The following ZEB1 variants were observed in gnomAD, a reference collection of about 807,000 sequenced individuals.
ZEB1 encodes zinc finger E-box binding homeobox 1.
ZEB1 carries 21 observed loss-of-function variants against 84.9 expected under a neutral mutation model. The ratio of observed to expected loss-of-function variants is 0.25; its 90% confidence interval spans 0.18 to 0.36. The LOEUF (loss-of-function observed/expected upper bound fraction) is 0.36. ZEB1 is among the 10% of genes least tolerant of loss of function. The pLI is 1.00. For synonymous variants in ZEB1, 420 were observed against 471.1 expected (o/e 0.89, Z 1.41); for missense variants, 1,104 against 1,330.2 (o/e 0.83, Z 2.65).
chr10:31,394,051 G>A (rs2050259273), intron 1 of ZEB1, among the ~76,000 whole-genome samples: 1 of 152,164 alleles, frequency 6.6e-6, no homozygotes, highest in South Asian at 2.1e-4. Flanking sequence ...AAAGAGGAGT[G>A]ATGGTGGGAA....
intron 4 of ZEB1, among the ~76,000 whole-genome samples, chr10:31,509,687 C>T (rs2069621957): frequency 6.6e-6 from 1 of 152,056 alleles, no homozygotes; most frequent in Admixed American, 6.5e-5. Flanking sequence ...TCAGAAAGCA[C>T]TTGGAGATTT....
At chr10:31,499,375 C>T (rs1024994994) in intron 3 of ZEB1, among the ~76,000 whole-genome samples, 1 of 152,092 alleles carries the variant, frequency 6.6e-6, no homozygotes, top group Non-Finnish European at 1.5e-5. Context: ...ACTTTTATTA[C>T]ATGAACTGTA....
Position 31,368,140 on chromosome 10 carries a change from C to T in ZEB1, c.58+48848C>T, listed in dbSNP as rs2044914004. ...TATTTGCATGTAAGCTATGCATATC[C>T]TCTCATGTACTTTATTTATTTATTT... On this transcript the variant is annotated intron_variant, in intron 1 of 8. Transcript: ENST00000424869. 2.0e-5 allele frequency among the ~76,000 whole-genome samples: 3 copies of T among 151,552 alleles called. No homozygotes were observed. The South Asian group carries it at 6.3e-4, about 32-fold the overall frequency.
At chr10:31,358,889 T>C (rs1381364597) in intron 1 of ZEB1, among the ~76,000 whole-genome samples, 1 of 152,188 alleles carries the variant, frequency 6.6e-6, no homozygotes, top group Non-Finnish European at 1.5e-5. Context: ...TAGGCCAAAA[T>C]GGTTTATGCT....
rs558179380 is a variant in ZEB1 at position 31,486,574 on chromosome 10, G to GT, written c.260-9192dup. 5.6e-3 allele frequency among the ~76,000 whole-genome samples: 778 copies of GT among 139,744 alleles called. 9 individuals carry two copies. The highest frequency in any genetic ancestry group is 0.018 in the African/African-American group (696 of 38,318). 91.7% of individuals were successfully genotyped at this position (139,744 alleles called of 152,430 possible). ...TTTTCTTTTCTTTTTTTTCTGTAGT[G>GT]TTTTTTTTTTCTTTTTTTAATTATA... On this transcript the variant is annotated intron_variant, in intron 2 of 8. Transcript: ENST00000424869.
chr10:31,321,185 G>A (rs1399897610), intron 1 of ZEB1: 8 of 1,091,190 alleles, frequency 7.3e-6, no homozygotes, highest in Non-Finnish European at 7.8e-6. Flanking sequence ...AACCTTTCCT[G>A]GCAATTTTAG....
intron 2 of ZEB1, among the ~76,000 whole-genome samples, chr10:31,463,409 A>ACC (rs1412620210): frequency 6.6e-6 from 1 of 152,196 alleles, no homozygotes; most frequent in Non-Finnish European, 1.5e-5. Flanking sequence ...GAAAAAAGGA[A>ACC]CCCATAGAAG....
chr10:31,473,499 C>G (rs1331867802), intron 2 of ZEB1, among the ~76,000 whole-genome samples: 2 of 152,028 alleles, frequency 1.3e-5, no homozygotes, highest in African/African-American at 4.8e-5. Flanking sequence ...ATCCAACTTA[C>G]AAGGGACGTG....
intron 1 of ZEB1, among the ~76,000 whole-genome samples, chr10:31,409,123 C>T (rs1298952817): frequency 6.6e-6 from 1 of 152,220 alleles, no homozygotes; most frequent in African/African-American, 2.4e-5. Flanking sequence ...GACATTTATG[C>T]AGCCAACAAA....
intron 6 of ZEB1, among the ~76,000 whole-genome samples, chr10:31,517,047 A>G (rs2071281179): frequency 6.6e-6 from 1 of 152,086 alleles, no homozygotes; most frequent in Admixed American, 6.6e-5. Flanking sequence ...TCCACAGTAG[A>G]TTGGAAACTT....
At chr10:31,437,505 A>T (rs1009464450) in intron 1 of ZEB1, among the ~76,000 whole-genome samples, 2 of 152,340 alleles carry the variant, frequency 1.3e-5, no homozygotes, top group East Asian at 3.9e-4. Context: ...TTAAAATTTC[A>T]TTAATTATCC....
chr10:31,459,033 G>A (rs1314495028), intron 1 of ZEB1, among the ~76,000 whole-genome samples: 1 of 152,078 alleles, frequency 6.6e-6, no homozygotes, highest in African/African-American at 2.4e-5. Context: ...AAATATGCCT[G>A]CAACACTTAT....
At chr10:31,363,237 C>T (rs189465083) in intron 1 of ZEB1, 6 of 1,534,004 alleles carry the variant, frequency 3.9e-6, no homozygotes, top group Non-Finnish European at 5.2e-6. Context: ...TCTCTGGCCA[C>T]AGGGAGCAGC....
chr10:31,475,111 G>A (rs1032667704), intron 2 of ZEB1, among the ~76,000 whole-genome samples: 1 of 151,852 alleles, frequency 6.6e-6, no homozygotes, highest in Non-Finnish European at 1.5e-5. Flanking sequence ...CCTAATGCTA[G>A]ATGACGAGTT....
intron 3 of ZEB1, among the ~76,000 whole-genome samples, 170 bp from the exon 4 acceptor site, chr10:31,502,176 CTT>C (rs2068244663): frequency 6.6e-6 from 1 of 152,096 alleles, no homozygotes; most frequent in Admixed American, 6.6e-5. Context: ...AAAGATATAT[CTT>C]AATACATTAC....
At chr10:31,495,920 A>G (rs1038121813) in intron 3 of ZEB1, 82 bp downstream of exon 3, 4 of 1,438,104 alleles carry the variant, frequency 2.8e-6, no homozygotes, top group Non-Finnish European at 3.9e-6. Flanking sequence ...GTGAGTCCTG[A>G]ATTTAGTCCG....
chr10:31,460,888 G>A, intron 1 of ZEB1, 149 bp from the exon 2 acceptor site: 1 of 698,318 alleles, frequency 1.4e-6, no homozygotes, highest in Non-Finnish European at 2.5e-6. Flanking sequence ...TTACATATGT[G>A]TGTTGTCAAA....
rs1223283585 is a variant in ZEB1 at position 31,348,679 on chromosome 10, A to G, written c.58+29387A>G. The stretch of plus-strand genomic sequence containing the variant: ...TCAAATAGAAAATGAAAGTGTAAGG[A>G]GACAAGTGTGTAACTTTCCAAAAGA... On this transcript the variant is annotated intron_variant, in intron 1 of 8. Transcript: ENST00000424869. Among the ~76,000 whole-genome samples, 3 of 152,226 alleles carry G rather than the reference A, an allele frequency of 2.0e-5. No individual in the cohort carries two copies. In the South Asian group the frequency reaches 6.2e-4, roughly 32 times the overall value.
chr10:31,420,268 G>A (rs1201135800), intron 1 of ZEB1, among the ~76,000 whole-genome samples: 6 of 152,026 alleles, frequency 3.9e-5, no homozygotes, highest in African/African-American at 1.2e-4. Context: ...TTATTGTCTC[G>A]TGCTTCCATG....
Sources: gnomAD v4.1 joint callset for allele counts (sites outside exome capture counted in the v4.1 genomes callset) on GRCh38, gnomAD v4.1.1 for gene constraint, MANE v1.5 for transcripts, NCBI Gene and HGNC (gene_info 2026-07-23, HGNC 2026-07-21) for gene names.